IPCEF1: variants seen among roughly 807,000 people sequenced by gnomAD.
IPCEF1 encodes interaction protein for cytohesin exchange factors 1.
A neutral mutation model predicts 50.9 loss-of-function variants in IPCEF1; 31 were observed. That is an observed-to-expected ratio of 0.61 (90% CI 0.46 to 0.82). The LOEUF is 0.82. Ranked by LOEUF, IPCEF1 falls within the 40% of genes least tolerant of loss-of-function variation. The pLI is 0.00. For missense variants in IPCEF1, 458 were observed against 514.0 expected, an observed-to-expected ratio of 0.89 and a Z score of 1.05; for synonymous variants, 181 against 192.0, an observed-to-expected ratio of 0.94 and a Z score of 0.47.
chr6:154,296,638 G>A (rs950891840), intron 1 of IPCEF1, among the ~76,000 whole-genome samples: 2 of 152,064 alleles, frequency 1.3e-5, no homozygotes, highest in South Asian at 4.1e-4. Context: ...GACCATCCTG[G>A]CTAACACAGT....
chr6:154,346,524 C>A (rs956477080), intron 1 of IPCEF1, among the ~76,000 whole-genome samples: 3 of 152,144 alleles, frequency 2.0e-5, no homozygotes, highest in African/African-American at 7.2e-5. Context: ...GATGGACTAT[C>A]TGTATTAGTC....
chr6:154,323,819 G>A (rs1783452747), intron 1 of IPCEF1, among the ~76,000 whole-genome samples: 1 of 152,220 alleles, frequency 6.6e-6, no homozygotes, highest in South Asian at 2.1e-4. Context: ...AGGGCATGGT[G>A]GCAGACGCCT....
intron 1 of IPCEF1, among the ~76,000 whole-genome samples, chr6:154,351,104 T>C (rs183803882): frequency 9.2e-5 from 14 of 152,332 alleles, no homozygotes; most frequent in African/African-American, 3.1e-4. Context: ...CGCAAAACTA[T>C]CATATACTAC....
chr6:154,342,035 C>T (rs1446251656), intron 1 of IPCEF1, among the ~76,000 whole-genome samples: 4 of 152,058 alleles, frequency 2.6e-5, no homozygotes, highest in African/African-American at 7.2e-5. Context: ...AATGAATAGC[C>T]GTTACTGGCA....
chr6:154,343,474 C>G (rs573908162), intron 1 of IPCEF1, among the ~76,000 whole-genome samples: 6 of 152,274 alleles, frequency 3.9e-5, no homozygotes, highest in African/African-American at 1.4e-4. Flanking sequence ...AAAACTCTCC[C>G]TATCATCAAA....
At chr6:154,258,970 T>A (rs1781527453) in intron 3 of IPCEF1, among the ~76,000 whole-genome samples, 2 of 152,230 alleles carry the variant, frequency 1.3e-5, no homozygotes, top group East Asian at 3.8e-4. Flanking sequence ...ATGATGCCTT[T>A]AGTAAGCATG....
intron 3 of IPCEF1, among the ~76,000 whole-genome samples, chr6:154,258,225 A>G (rs1012685699): frequency 1.3e-5 from 2 of 152,132 alleles, no homozygotes; most frequent in Non-Finnish European, 2.9e-5. Context: ...CCCCTGTAAT[A>G]AGCTATTTAT....
At chr6:154,349,640 T>C (rs1351963930) in intron 1 of IPCEF1, among the ~76,000 whole-genome samples, 1 of 152,172 alleles carries the variant, frequency 6.6e-6, no homozygotes, top group Non-Finnish European at 1.5e-5. Context: ...TGCCTATAAG[T>C]AGTTAAATGT....
At chr6:154,180,596 AGGCCCAGAATTT>A in intron 10 of IPCEF1, among the ~76,000 whole-genome samples, 1 of 152,110 alleles carries the variant, frequency 6.6e-6, no homozygotes, top group East Asian at 1.9e-4. Flanking sequence ...ATGCCCCAGT[AGGCCCAGAATTT>A]GGCTGTCGAG....
intron 7 of IPCEF1, among the ~76,000 whole-genome samples, chr6:154,220,628 C>T (rs1778790326): frequency 6.6e-6 from 1 of 152,046 alleles, no homozygotes; most frequent in Non-Finnish European, 1.5e-5. Context: ...GGCAACAGAA[C>T]AAGACTGTCT....
intron 3 of IPCEF1, among the ~76,000 whole-genome samples, chr6:154,249,460 A>G (rs1781283436): frequency 6.6e-6 from 1 of 152,180 alleles, no homozygotes; most frequent in African/African-American, 2.4e-5. Flanking sequence ...GGGGTCCAGG[A>G]GTCCCTAGCA....
intron 10 of IPCEF1, among the ~76,000 whole-genome samples, chr6:154,182,596 C>T (rs532263626): frequency 2.3e-4 from 35 of 152,160 alleles, no homozygotes; most frequent in Non-Finnish European, 4.4e-4. Context: ...AAACAGAAAA[C>T]GTTGGTGTAC....
intron 1 of IPCEF1, among the ~76,000 whole-genome samples, chr6:154,351,566 C>T (rs904111822): frequency 6.6e-6 from 1 of 152,190 alleles, no homozygotes; most frequent in Non-Finnish European, 1.5e-5. Flanking sequence ...TGCTCAGACT[C>T]GCCCTTGGTG....
intron 2 of IPCEF1, among the ~76,000 whole-genome samples, chr6:154,282,247 C>T (rs977051856): frequency 5.3e-5 from 8 of 152,196 alleles, no homozygotes; most frequent in Admixed American, 3.9e-4. Flanking sequence ...ACAGCTCTGG[C>T]TCCAGCACTG....
intron 1 of IPCEF1, among the ~76,000 whole-genome samples, chr6:154,295,204 A>C (rs1376515651): frequency 6.6e-6 from 1 of 152,204 alleles, no homozygotes; most frequent in Non-Finnish European, 1.5e-5. Context: ...TCTCAAAAAA[A>C]AAAATACTAA....
At chr6:154,227,419 T>C (rs769375946) in intron 5 of IPCEF1, among the ~76,000 whole-genome samples, 6 of 151,502 alleles carry the variant, frequency 4.0e-5, no homozygotes, top group Non-Finnish European at 7.4e-5. Flanking sequence ...ATATTTTTAT[T>C]CATCTAAAAA....
In IPCEF1 at chr6:154,202,927, C is replaced by T. The variant is rs145239066; in HGVS notation, c.538-2887G>A. ...GAAAAGGAAAATGAGAAAGTGACTA[C>T]ATATTCAGGTCAGGGGGAGTTTTCA... On this transcript the variant is annotated intron_variant, in intron 9 of 11. Coordinates refer to ENST00000367220, the MANE Select transcript of IPCEF1 (RefSeq NM_001130700.2). Among the ~76,000 whole-genome samples, 28 of 152,274 alleles carry T rather than the reference C, an allele frequency of 1.8e-4. No individual in the cohort carries two copies. In the East Asian group the frequency reaches 2.9e-3, roughly 16 times the overall value.
chr6:154,353,904 T>G (rs909517884), intron 1 of IPCEF1, among the ~76,000 whole-genome samples: 1 of 152,238 alleles, frequency 6.6e-6, no homozygotes, highest in Non-Finnish European at 1.5e-5. Context: ...TCAACCATTC[T>G]GATAACTAGG....
intron 5 of IPCEF1, among the ~76,000 whole-genome samples, chr6:154,241,234 CAA>C (rs11308882): frequency 2.6e-3 from 208 of 79,196 alleles, no homozygotes; most frequent in African/African-American, 8.1e-3. Flanking sequence ...GACTCCATCT[CAA>C]AAAAAAAAAA....
Sources: gnomAD v4.1 joint callset for allele counts (sites outside exome capture counted in the v4.1 genomes callset) on GRCh38, gnomAD v4.1.1 for gene constraint, MANE v1.5 for transcripts, NCBI Gene and HGNC (gene_info 2026-07-23, HGNC 2026-07-21) for gene names.